MXRA7: variants seen among roughly 807,000 people sequenced by gnomAD.
The protein encoded by MXRA7 is matrix-remodeling-associated protein 7.
In MXRA7, 18 loss-of-function variants were observed where a neutral mutation model predicts 17.4. That is an observed-to-expected ratio of 1.03 (90% CI 0.71 to 1.53). The LOEUF (loss-of-function observed/expected upper bound fraction) is 1.53. Ranked by LOEUF, MXRA7 falls within the 40% of genes most tolerant of loss-of-function variation. MXRA7 has a pLI of 0.00. For missense variants in MXRA7, 141 were observed against 209.3 expected (o/e 0.67, Z 2.01); for synonymous variants, 70 against 101.7 (o/e 0.69, Z 1.87).
rs566059920 is a variant in MXRA7, at chr17:76,697,863, C to T, written c.343-9687G>A. ...CCTGGCTGATTCAAGCTAATTCAAG[C>T]GTGATGCAAAGTGCTGAAGTCGGGA... On this transcript the variant is annotated intron_variant, in intron 1 of 3. Transcript: ENST00000449428. 8.8e-5 allele frequency among the ~76,000 whole-genome samples: 13 copies of T among 147,376 alleles called. No homozygotes were observed. The South Asian group carries it at 1.7e-3, about 19-fold the overall frequency.
downstream of MXRA7, among the ~76,000 whole-genome samples, chr17:76,678,594 C>T (rs534523106): frequency 5.1e-4 from 77 of 152,214 alleles, no homozygotes; most frequent in Non-Finnish European, 9.4e-4. Flanking sequence ...TCCTGCCCCC[C>T]ACACACCACG....
chr17:76,692,542 C>A (rs1427332809), intron 1 of MXRA7, among the ~76,000 whole-genome samples: 1 of 151,650 alleles, frequency 6.6e-6, no homozygotes, highest in Admixed American at 6.6e-5. Context: ...TGTGGGCCAC[C>A]GCGCCCGGCC....
intron 1 of MXRA7, among the ~76,000 whole-genome samples, chr17:76,704,876 A>G (rs1303111440): frequency 3.3e-5 from 5 of 151,592 alleles, no homozygotes; most frequent in East Asian, 3.9e-4. Flanking sequence ...ATCCTGTTCC[A>G]TACATCTGTC....
At chr17:76,702,492 A>C (rs1012365036) in intron 1 of MXRA7, among the ~76,000 whole-genome samples, 2 of 151,796 alleles carry the variant, frequency 1.3e-5, no homozygotes, top group Non-Finnish European at 2.9e-5. Context: ...TGGTTCTCTA[A>C]ATAAATAAGT....
At chr17:76,698,776 G>A (rs1181781186) in intron 1 of MXRA7, among the ~76,000 whole-genome samples, 1 of 126,442 alleles carries the variant, frequency 7.9e-6, no homozygotes, top group Non-Finnish European at 1.6e-5. Context: ...AGGCTGGGAT[G>A]CAATGGTGGG....
intron 2 of MXRA7, among the ~76,000 whole-genome samples, chr17:76,686,625 C>A (rs2076401112): frequency 6.6e-6 from 1 of 152,230 alleles, no homozygotes; most frequent in Admixed American, 6.5e-5. Context: ...CAGTCACATG[C>A]AGTGCACCAG....
At chr17:76,673,272 C>T (rs754206230) in exon 4 of MXRA7, 1 of 152,242 alleles carries the variant, frequency 6.6e-6, no homozygotes, top group Non-Finnish European at 1.5e-5. Context: ...AAGGAAACAA[C>T]TTCTACTTTC....
At chr17:76,690,469 G>T (rs2076468580) in intron 1 of MXRA7, among the ~76,000 whole-genome samples, 1 of 151,938 alleles carries the variant, frequency 6.6e-6, no homozygotes, top group Non-Finnish European at 1.5e-5. Flanking sequence ...CAGCACTTTG[G>T]GAGGCTGAGG....
At position 76,680,715 on chromosome 17, in the gene MXRA7, C is replaced by T. The variant is rs2076291170; in HGVS notation, c.*152G>A. ...GGATCCTGCTAGCCAAGGGACAAGT[C>T]CTGATTGAGGGTCTAGAGCTCAGCA... On this transcript the variant is annotated 3_prime_UTR_variant, in exon 4 of 4. Transcript: ENST00000449428. 1.4e-6 allele frequency: 2 copies of T among 1,457,760 alleles called. No individual in the cohort carries two copies. Among genetic ancestry groups the T allele is most frequent in the Non-Finnish European group, 1.8e-6 (2 of 1,104,902 alleles). The allele number at this position is 1,457,760 out of a possible 1,614,324, so 90.3% of individuals were successfully genotyped here. A position where few individuals can be genotyped will look rare whatever the true frequency, so the allele number is the denominator to read the frequency against.
At chr17:76,698,931 G>A (rs189265976) in intron 1 of MXRA7, among the ~76,000 whole-genome samples, 43 of 152,068 alleles carry the variant, frequency 2.8e-4, no homozygotes, top group Admixed American at 5.9e-4. Flanking sequence ...ATGTTGGCCA[G>A]GCTGGTCTTG....
intron 1 of MXRA7, among the ~76,000 whole-genome samples, chr17:76,706,470 A>C (rs2076663272): frequency 1.3e-5 from 2 of 151,938 alleles, no homozygotes; most frequent in African/African-American, 4.8e-5. Flanking sequence ...TGCCATCAAA[A>C]AGGACCACAC....
chr17:76,707,222 C>A lies in MXRA7; in HGVS notation c.342+3383G>T, dbSNP rs115049673. On this transcript the variant is annotated intron_variant, in intron 1 of 3. Coordinates refer to ENST00000449428, the MANE Select transcript of MXRA7 (RefSeq NM_198530.4). ...CATATTGCTTTAATCTCCTAAATCCCAATTAAATCTAGAAGAGTCTCTGTG... is the reference window on the plus strand; with the variant it reads ...CATATTGCTTTAATCTCCTAAATCCAAATTAAATCTAGAAGAGTCTCTGTG... 1.2e-3 allele frequency among the ~76,000 whole-genome samples: 186 copies of A among 151,204 alleles called. 1 individual carries two copies. Among genetic ancestry groups the A allele is most frequent in the African/African-American group, 4.3e-3 (176 of 41,066 alleles).
intron 1 of MXRA7, among the ~76,000 whole-genome samples, chr17:76,706,720 G>C (rs933249591): frequency 3.3e-5 from 5 of 152,186 alleles, no homozygotes; most frequent in African/African-American, 1.2e-4. Context: ...TACCCACTCA[G>C]ACCACCACCT....
intron 1 of MXRA7, 160 bp from the exon 2 acceptor site, chr17:76,688,336 G>A: frequency 6.9e-7 from 1 of 1,456,360 alleles, no homozygotes; most frequent in Non-Finnish European, 9.0e-7. Context: ...CCAGCAGGTG[G>A]GGGCTGTGTA....
At chr17:76,688,204 C>T (rs749676859) in intron 1 of MXRA7, 28 bp from the exon 2 acceptor site, 2 of 1,613,616 alleles carry the variant, frequency 1.2e-6, no homozygotes, top group East Asian at 4.5e-5. Context: ...GGTCAGTGCC[C>T]TTGGCACAGA....
downstream of MXRA7, chr17:76,677,436 C>T (rs986047816): frequency 1.7e-6 from 1 of 599,896 alleles, no homozygotes; most frequent in Non-Finnish European, 3.0e-6. Flanking sequence ...AATATACACA[C>T]TGCAAGAACT....
intron 3 of MXRA7, among the ~76,000 whole-genome samples, chr17:76,682,418 G>A (rs770565078): frequency 2.0e-5 from 3 of 152,128 alleles, no homozygotes; most frequent in Non-Finnish European, 4.4e-5. Context: ...GGTTTTAGTG[G>A]TTTGATAACA....
At chr17:76,703,389 C>T (rs1350252874) in intron 1 of MXRA7, among the ~76,000 whole-genome samples, 1 of 152,044 alleles carries the variant, frequency 6.6e-6, no homozygotes, top group Non-Finnish European at 1.5e-5. Context: ...TGGGAGGCAG[C>T]GGCTGGCAGA....
intron 1 of MXRA7, among the ~76,000 whole-genome samples, chr17:76,692,915 AT>A (rs1356180032): frequency 6.6e-6 from 1 of 152,094 alleles, no homozygotes; most frequent in African/African-American, 2.4e-5. Flanking sequence ...AAAGAACTGG[AT>A]TTTGTGCACA....
Sources: gnomAD v4.1 joint callset for allele counts (sites outside exome capture counted in the v4.1 genomes callset) on GRCh38, gnomAD v4.1.1 for gene constraint, MANE v1.5 for transcripts, NCBI Gene and HGNC (gene_info 2026-07-23, HGNC 2026-07-21) for gene names.